Variants in OSBPL8 observed in about 807,000 individuals in gnomAD.
OSBPL8 encodes the protein oxysterol binding protein like 8.
OSBPL8 carries 59 observed loss-of-function variants against 125.5 expected under a neutral mutation model. The observed-to-expected ratio is 0.47, with a 90% CI of 0.38 to 0.58. The LOEUF is 0.58. Ranked by LOEUF, OSBPL8 falls within the 20% of genes least tolerant of loss-of-function variation. The pLI is 0.00. For missense variants in OSBPL8, 758 were observed against 1,047.8 expected (o/e 0.72, Z 3.82); for synonymous variants, 330 against 338.9 (o/e 0.97, Z 0.29).
intron 9 of OSBPL8, among the ~76,000 whole-genome samples, chr12:76,394,397 G>A (rs1592595131): frequency 6.6e-6 from 1 of 152,116 alleles, no homozygotes; most frequent in Non-Finnish European, 1.5e-5. Flanking sequence ...GTGTTAATAT[G>A]TCCATGGAGG....
intron 4 of OSBPL8, among the ~76,000 whole-genome samples, chr12:76,436,588 A>G (rs1871475840): frequency 6.6e-6 from 1 of 152,076 alleles, no homozygotes; most frequent in Admixed American, 6.5e-5. Flanking sequence ...AATACCATAC[A>G]TTGGAAAAAC....
At chr12:76,473,121 A>G (rs547571247) in intron 2 of OSBPL8, among the ~76,000 whole-genome samples, 13 of 152,140 alleles carry the variant, frequency 8.5e-5, no homozygotes, top group Non-Finnish European at 1.6e-4. Flanking sequence ...TCTTCTGGTC[A>G]CTTCTCACTA....
At chr12:76,554,037 T>C (rs1238502295) in intron 1 of OSBPL8, among the ~76,000 whole-genome samples, 2 of 151,742 alleles carry the variant, frequency 1.3e-5, no homozygotes, top group East Asian at 1.9e-4. Flanking sequence ...ATCAGCCTTA[T>C]TCTTTAAAAC....
intron 2 of OSBPL8, among the ~76,000 whole-genome samples, chr12:76,471,340 T>C (rs1876113355): frequency 6.6e-6 from 1 of 152,150 alleles, no homozygotes. Flanking sequence ...TCTTCCTATA[T>C]TTTCTCCCTT....
At chr12:76,399,391 G>A (rs879786577) in intron 7 of OSBPL8, among the ~76,000 whole-genome samples, 1 of 152,056 alleles carries the variant, frequency 6.6e-6, no homozygotes, top group Non-Finnish European at 1.5e-5. Flanking sequence ...AATAACCAGA[G>A]GCCAAAAGAA....
chr12:76,455,905 G>A (rs77184562), intron 3 of OSBPL8, among the ~76,000 whole-genome samples: 5,478 of 152,192 alleles, frequency 0.036, 365 homozygotes, highest in African/African-American at 0.12. Flanking sequence ...CAGTTTCACC[G>A]TCTCACCTAC....
At chr12:76,399,223 G>A (rs1280095268) in intron 7 of OSBPL8, among the ~76,000 whole-genome samples, 3 of 152,180 alleles carry the variant, frequency 2.0e-5, no homozygotes, top group African/African-American at 7.2e-5. Flanking sequence ...CTTGGCAAAA[G>A]TGGGTTGGGG....
chr12:76,525,856 A>T (rs1237810993), intron 1 of OSBPL8, among the ~76,000 whole-genome samples: 1 of 152,260 alleles, frequency 6.6e-6, no homozygotes, highest in African/African-American at 2.4e-5. Flanking sequence ...CAATTATGTA[A>T]AATATTAAGA....
At chr12:76,514,367 G>C (rs982111572) in intron 1 of OSBPL8, among the ~76,000 whole-genome samples, 4 of 151,220 alleles carry the variant, frequency 2.6e-5, no homozygotes, top group Non-Finnish European at 4.4e-5. Flanking sequence ...TGGCCAGGCT[G>C]GTCTTGAACT....
At chr12:76,520,049 C>T (rs771213217) in intron 1 of OSBPL8, among the ~76,000 whole-genome samples, 2 of 152,118 alleles carry the variant, frequency 1.3e-5, no homozygotes. Flanking sequence ...CCCACAAACC[C>T]TCCTATAAAA....
intron 1 of OSBPL8, among the ~76,000 whole-genome samples, chr12:76,557,471 C>G (rs1447800980): frequency 6.6e-6 from 1 of 151,946 alleles, no homozygotes; most frequent in Non-Finnish European, 1.5e-5. Context: ...AAAAATTAGC[C>G]TGGCATGGTG....
At chr12:76,356,788 G>C (rs1952004160) in intron 22 of OSBPL8, 60 bp from the exon 23 acceptor site, 1 of 1,151,306 alleles carries the variant, frequency 8.7e-7, no homozygotes, top group Admixed American at 2.4e-5. Flanking sequence ...TCAATTTAAT[G>C]TGTCTCATGT....
intron 10 of OSBPL8, 138 bp from the exon 11 acceptor site, chr12:76,390,795 T>C (rs1592586903): frequency 1.6e-6 from 1 of 607,032 alleles, no homozygotes; most frequent in East Asian, 2.8e-5. Flanking sequence ...TAGTGTTAAT[T>C]CACTTAATCT....
At chr12:76,451,182 C>A (rs751581327) in intron 3 of OSBPL8, among the ~76,000 whole-genome samples, 194 bp from the exon 4 acceptor site, 2 of 152,100 alleles carry the variant, frequency 1.3e-5, no homozygotes, top group Non-Finnish European at 1.5e-5. Flanking sequence ...GAAGAACTGA[C>A]AGGTATGTTT....
At chr12:76,525,876 T>C (rs1950157486) in intron 1 of OSBPL8, among the ~76,000 whole-genome samples, 1 of 152,270 alleles carries the variant, frequency 6.6e-6, no homozygotes, top group African/African-American at 2.4e-5. Flanking sequence ...ACTTCATTTA[T>C]TTCACTGAAC....
chr12:76,372,452 C>T (rs1473672428), intron 18 of OSBPL8, among the ~76,000 whole-genome samples: 1 of 151,976 alleles, frequency 6.6e-6, no homozygotes, highest in Non-Finnish European at 1.5e-5. Context: ...TCCCAAAGTG[C>T]TGGAATTATA....
intron 3 of OSBPL8, among the ~76,000 whole-genome samples, chr12:76,459,627 G>A (rs5005935): frequency 0.011 from 1,640 of 152,260 alleles, 36 homozygotes; most frequent in African/African-American, 0.038. Flanking sequence ...TGCATCTTAG[G>A]TAAGATGTAA....
intron 2 of OSBPL8, among the ~76,000 whole-genome samples, chr12:76,480,102 G>A (rs993950655): frequency 6.8e-6 from 1 of 147,734 alleles, no homozygotes; most frequent in African/African-American, 2.5e-5. Context: ...AGGAGGCAGA[G>A]GTTGCAGTGA....
chr12:76,486,671 C>T (rs970088422), intron 2 of OSBPL8, among the ~76,000 whole-genome samples: 1 of 152,128 alleles, frequency 6.6e-6, no homozygotes, highest in Non-Finnish European at 1.5e-5. Flanking sequence ...CTACCCACTA[C>T]TTGTTTAATT....
Sources: gnomAD v4.1 joint callset for allele counts (sites outside exome capture counted in the v4.1 genomes callset) on GRCh38, gnomAD v4.1.1 for gene constraint, MANE v1.5 for transcripts, NCBI Gene and HGNC (gene_info 2026-07-23, HGNC 2026-07-21) for gene names.